Variants in FRK observed in about 807,000 individuals in gnomAD.
The protein encoded by FRK is fyn related Src family tyrosine kinase, also known as tyrosine-protein kinase FRK.
In FRK, 51 loss-of-function variants were observed where a neutral mutation model predicts 56.4. The ratio of observed to expected loss-of-function variants is 0.90; its 90% CI spans 0.72 to 1.14. FRK has a LOEUF of 1.14. Ranked by LOEUF, FRK falls within the 50% of genes most tolerant of loss-of-function variation. The pLI is 0.00. For synonymous variants in FRK, 245 were observed against 217.9 expected (o/e 1.12, Z -1.10); for missense variants, 570 against 601.4 (o/e 0.95, Z 0.55).
At chr6:116,081,043 G>A in the FRK span, among the ~76,000 whole-genome samples, 2 of 152,180 alleles carry the variant, frequency 1.3e-5, no homozygotes, top group African/African-American at 4.8e-5. Context: ...CCTACATGGT[G>A]GCAGACAAGA....
intron 2 of FRK, among the ~76,000 whole-genome samples, chr6:115,970,144 T>C (rs1773747223): frequency 6.6e-6 from 1 of 151,894 alleles, no homozygotes; most frequent in South Asian, 2.1e-4. Context: ...TTTTTTTTTT[T>C]CAAAAACAGG....
chr6:116,096,145 G>A, the FRK span, among the ~76,000 whole-genome samples: 145 of 152,224 alleles, frequency 9.5e-4, no homozygotes, highest in African/African-American at 3.3e-3. Flanking sequence ...AACTTCTACC[G>A]AGGACCCGTG....
At chr6:115,987,467 A>G (rs1252785390) in intron 2 of FRK, among the ~76,000 whole-genome samples, 1 of 152,078 alleles carries the variant, frequency 6.6e-6, no homozygotes, top group Non-Finnish European at 1.5e-5. Context: ...CTGCTTTCAG[A>G]TTTCTTACAA....
the FRK span, among the ~76,000 whole-genome samples, chr6:116,095,281 A>C: frequency 6.6e-6 from 1 of 152,270 alleles, no homozygotes; most frequent in Non-Finnish European, 1.5e-5. Flanking sequence ...TCTTTATAGA[A>C]GCAGAGTTAG....
chr6:116,094,573 A>C, the FRK span, among the ~76,000 whole-genome samples: 1 of 152,280 alleles, frequency 6.6e-6, no homozygotes, highest in African/African-American at 2.4e-5. Context: ...CCTAACCTTT[A>C]GGGGAACTTC....
chr6:116,024,260 A>AT (rs1017927420), intron 1 of FRK, among the ~76,000 whole-genome samples: 9 of 150,954 alleles, frequency 6.0e-5, no homozygotes, highest in Admixed American at 6.0e-4. Flanking sequence ...TTTTTCTTTC[A>AT]TTTTTTTAAT....
the FRK span, among the ~76,000 whole-genome samples, chr6:116,094,373 C>T: frequency 6.6e-6 from 1 of 152,216 alleles, no homozygotes; most frequent in African/African-American, 2.4e-5. Context: ...TGGACACTGG[C>T]GTGGCTTTCT....
At chr6:116,037,521 T>C (rs547918728) in intron 1 of FRK, among the ~76,000 whole-genome samples, 122 of 152,124 alleles carry the variant, frequency 8.0e-4, no homozygotes, top group Non-Finnish European at 1.6e-3. Flanking sequence ...AAGCACAGAA[T>C]CATGAACTTT....
At chr6:115,956,954 C>T (rs1056159083) in intron 4 of FRK, among the ~76,000 whole-genome samples, 6 of 152,152 alleles carry the variant, frequency 3.9e-5, no homozygotes, top group African/African-American at 7.2e-5. Context: ...TGAACACGAG[C>T]GCTGAAGGTC....
chr6:116,038,160 T>G (rs1776559057), intron 1 of FRK, among the ~76,000 whole-genome samples: 1 of 152,196 alleles, frequency 6.6e-6, no homozygotes, highest in Admixed American at 6.5e-5. Context: ...TGGCCAACAT[T>G]CATTAATTAC....
At chr6:116,021,772 T>C (rs1001143400) in intron 1 of FRK, among the ~76,000 whole-genome samples, 3 of 151,868 alleles carry the variant, frequency 2.0e-5, no homozygotes, top group Non-Finnish European at 4.4e-5. Context: ...TTTCAATCCA[T>C]GTTTTGAAAA....
intron 2 of FRK, among the ~76,000 whole-genome samples, chr6:115,983,699 T>C (rs1159464243): frequency 6.6e-6 from 1 of 152,158 alleles, no homozygotes; most frequent in Non-Finnish European, 1.5e-5. Context: ...GGCTGGGCAT[T>C]ATACGCTATC....
At position 115,940,555 on chromosome 6, in the gene FRK, G is replaced by T. The variant is rs967239534; in HGVS notation, c.*1859C>A. The T allele has an allele frequency of 1.3e-5, 2 of 152,062 alleles. No homozygotes were observed. The highest frequency in any genetic ancestry group is 2.9e-5 in the Non-Finnish European group (2 of 68,004). 9.4% of individuals were successfully genotyped at this position (152,062 alleles called of 1,614,324 possible). Reference sequence around the variant, plus strand: ...GAGTGAACAGGCAACCTACAGAATGGGAGAAAATTTTTGCAAGCTATCCAT... The same window carrying T: ...GAGTGAACAGGCAACCTACAGAATGTGAGAAAATTTTTGCAAGCTATCCAT... On this transcript the variant is annotated 3_prime_UTR_variant, in exon 8 of 8. Transcript: ENST00000606080.
At chr6:116,082,627 C>A in the FRK span, among the ~76,000 whole-genome samples, 1 of 152,162 alleles carries the variant, frequency 6.6e-6, no homozygotes, top group Non-Finnish European at 1.5e-5. Context: ...TGGCTCCAAG[C>A]ATTTTTGTCT....
In FRK at chr6:115,973,997, A is replaced by G. The variant is rs529812327; in HGVS notation, c.467-5258T>C. ...AGAAGGATATCTAAATATAAAATATACTTGCTATTTACATAAATTCTTGGC... is the reference window on the plus strand; with the variant it reads ...AGAAGGATATCTAAATATAAAATATGCTTGCTATTTACATAAATTCTTGGC... On this transcript the variant is annotated intron_variant, in intron 2 of 7. Coordinates refer to ENST00000606080, the MANE Select transcript of FRK (RefSeq NM_002031.3). Among the ~76,000 whole-genome samples, 4 of 152,358 alleles carry G rather than the reference A, an allele frequency of 2.6e-5. No individual in the cohort carries two copies. The East Asian group carries it at 7.7e-4, about 29-fold the overall frequency.
rs1356793238 is a variant in FRK at position 115,994,748 on chromosome 6, C to T, written c.466+9129G>A. Among the ~76,000 whole-genome samples the T allele has an allele frequency of 2.6e-5, 4 of 152,022 alleles. No homozygotes were observed. The East Asian group carries it at 5.8e-4, about 22-fold the overall frequency. ...TAAATGAGAACATGAGGGGTGGAGC[C>T]TCCATAATGGGATTAATGCCCTTAT... On this transcript the variant is annotated intron_variant, in intron 2 of 7. Transcript: ENST00000606080.
At chr6:116,075,166 C>T in the FRK span, among the ~76,000 whole-genome samples, 1 of 152,154 alleles carries the variant, frequency 6.6e-6, no homozygotes, top group Non-Finnish European at 1.5e-5. Flanking sequence ...TCCACTCTTT[C>T]TCCACTGTGA....
rs954561645 is a variant in FRK at position 115,942,598 on chromosome 6, A to G, written c.1334T>C (p.Met445Thr). Residue 445 changes from methionine to threonine, a missense_variant, in exon 8 of 8, where the codon ATG becomes ACG. Coordinates refer to ENST00000606080, the MANE Select transcript of FRK (RefSeq NM_002031.3). ...CGGAAGTCTATAGTTTTGAGCCAACATCTGGATTACCTGGGCACCTGTCAT... is the reference window on the plus strand; with the variant it reads ...CGGAAGTCTATAGTTTTGAGCCAACGTCTGGATTACCTGGGCACCTGTCAT... ...SGMTGAQVIQ[M>T]LAQNYRLPQP... 9.3e-6 allele frequency: 15 copies of G among 1,613,616 alleles called. No individual in the cohort carries two copies. The highest frequency in any genetic ancestry group is 1.3e-5 in the African/African-American group (1 of 74,906).
rs1300858032 is a variant in FRK at position 115,994,335 on chromosome 6, C to T, written c.466+9542G>A. ...AGAATCTCACAACCTCCCCCCCCCC[C>T]GCCTTTTTTTTGTCATTATACTCAT... On this transcript the variant is annotated intron_variant, in intron 2 of 7. Transcript: ENST00000606080. Among the ~76,000 whole-genome samples the T allele has an allele frequency of 3.0e-4, 30 of 99,558 alleles. 7 individuals are homozygous for T. The highest frequency in any genetic ancestry group is 5.3e-4 in the Non-Finnish European group (23 of 43,414). The allele number at this position is 99,558 out of a possible 152,430, so 65.3% of individuals were successfully genotyped here. A position where few individuals can be genotyped will look rare whatever the true frequency, so the allele number is the denominator to read the frequency against.
Sources: gnomAD v4.1 joint callset for allele counts (sites outside exome capture counted in the v4.1 genomes callset) on GRCh38, gnomAD v4.1.1 for gene constraint, MANE v1.5 for transcripts, NCBI Gene and HGNC (gene_info 2026-07-23, HGNC 2026-07-21) for gene names.